RAB10: variants seen among roughly 807,000 people sequenced by gnomAD.
RAB10 encodes RAB10, member RAS oncogene family.
RAB10 carries 5 observed loss-of-function variants against 25.7 expected under a neutral mutation model. The observed-to-expected ratio is 0.19, with a 90% confidence interval of 0.10 to 0.41. The LOEUF is 0.41. RAB10 is among the 10% of genes least tolerant of loss of function. RAB10 has a pLI of 1.00. For synonymous variants in RAB10, 89 were observed against 86.4 expected, an observed-to-expected ratio of 1.03 and a Z score of -0.16; for missense variants, 103 against 245.8, an observed-to-expected ratio of 0.42 and a Z score of 3.89.
intron 1 of RAB10, among the ~76,000 whole-genome samples, chr2:26,037,057 T>A (rs1182245903): frequency 6.6e-6 from 1 of 152,042 alleles, no homozygotes; most frequent in African/African-American, 2.4e-5. Flanking sequence ...ATTACAGGCG[T>A]GAGCCACCAC....
At chr2:26,045,799 C>T (rs185831085) in intron 1 of RAB10, among the ~76,000 whole-genome samples, 165 of 152,226 alleles carry the variant, frequency 1.1e-3, no homozygotes, top group African/African-American at 3.5e-3. Context: ...GATCAAATTC[C>T]TGGGCTCAAG....
At chr2:26,065,239 AC>A (rs1016839775) in intron 1 of RAB10, among the ~76,000 whole-genome samples, 1 of 152,118 alleles carries the variant, frequency 6.6e-6, no homozygotes, top group Non-Finnish European at 1.5e-5. Flanking sequence ...GAAAAAAAAA[AC>A]ATGACCCAGG....
At chr2:26,099,705 T>C (rs1401788861) in intron 2 of RAB10, among the ~76,000 whole-genome samples, 2 of 151,962 alleles carry the variant, frequency 1.3e-5, no homozygotes, top group Non-Finnish European at 2.9e-5. Context: ...CACACCTGGC[T>C]AATTTCTTTT....
chr2:26,041,917 A>C (rs1337926851), intron 1 of RAB10, among the ~76,000 whole-genome samples: 4 of 152,220 alleles, frequency 2.6e-5, no homozygotes, highest in African/African-American at 9.6e-5. Context: ...AAAAAAAGAA[A>C]AGAAAAAGAG....
chr2:26,048,059 ATTG>A (rs1167961389), intron 1 of RAB10, among the ~76,000 whole-genome samples: 1 of 148,138 alleles, frequency 6.8e-6, no homozygotes, highest in African/African-American at 2.5e-5. Context: ...TTTTTTTTAA[ATTG>A]TTGAGTAGTA....
chr2:26,117,476 A>G (rs1425773757), intron 3 of RAB10, among the ~76,000 whole-genome samples: 1 of 152,006 alleles, frequency 6.6e-6, no homozygotes. Context: ...TTAGCCGGGC[A>G]TGGTGGCGGG....
At chr2:26,094,033 C>G (rs1176803926) in intron 1 of RAB10, among the ~76,000 whole-genome samples, 1 of 150,022 alleles carries the variant, frequency 6.7e-6, no homozygotes, top group Non-Finnish European at 1.5e-5. Context: ...GTAGCTGGGA[C>G]TACAGGTGTG....
intron 1 of RAB10, among the ~76,000 whole-genome samples, chr2:26,061,425 C>G: frequency 6.6e-6 from 1 of 152,056 alleles, no homozygotes; most frequent in East Asian, 1.9e-4. Flanking sequence ...CCCTGTTTTC[C>G]TTTGAGAGAC....
chr2:26,116,526 C>A (rs969824090), intron 3 of RAB10, among the ~76,000 whole-genome samples: 1 of 114,828 alleles, frequency 8.7e-6, no homozygotes, highest in Non-Finnish European at 1.9e-5. Flanking sequence ...GACTGTATTT[C>A]TTTTCTTTCT....
At chr2:26,043,519 A>G (rs1406591931) in intron 1 of RAB10, among the ~76,000 whole-genome samples, 2 of 152,244 alleles carry the variant, frequency 1.3e-5, no homozygotes, top group Non-Finnish European at 2.9e-5. Flanking sequence ...AACAACTCAC[A>G]TGTTCATCAG....
intron 2 of RAB10, among the ~76,000 whole-genome samples, chr2:26,109,205 C>T (rs1184322814): frequency 2.0e-5 from 3 of 151,966 alleles, no homozygotes; most frequent in Admixed American, 6.6e-5. Context: ...CCACTGCGCC[C>T]GACCTTATTT....
chr2:26,088,702 C>G (rs1248250281), intron 1 of RAB10, among the ~76,000 whole-genome samples: 2 of 152,264 alleles, frequency 1.3e-5, no homozygotes, highest in African/African-American at 4.8e-5. Context: ...CAACCTCCCC[C>G]TCCCCGGTTC....
chr2:26,077,390 A>G (rs1467793724), intron 1 of RAB10, among the ~76,000 whole-genome samples: 2 of 152,176 alleles, frequency 1.3e-5, no homozygotes, highest in Non-Finnish European at 2.9e-5. Flanking sequence ...CTTTTGTATT[A>G]TTGTCCATTA....
intron 1 of RAB10, among the ~76,000 whole-genome samples, chr2:26,086,562 T>C (rs544784081): frequency 6.6e-6 from 1 of 152,260 alleles, no homozygotes; most frequent in East Asian, 1.9e-4. Context: ...TAAACTAAGG[T>C]TTCCCATGTG....
In RAB10 at chr2:26,070,977, A is replaced by G. The variant is rs533491359; in HGVS notation, c.128-27685A>G. On this transcript the variant is annotated intron_variant, in intron 1 of 5. Coordinates refer to ENST00000264710, the MANE Select transcript of RAB10 (RefSeq NM_016131.5). ...TGATGGTACAGAAGCAATGGTATGT[A>G]AAATTGCTGACCTTAGCATGAATCA... Among the ~76,000 whole-genome samples the G allele has an allele frequency of 5.3e-5, 8 of 152,318 alleles. No individual in the cohort carries two copies. The South Asian group carries it at 1.7e-3, about 32-fold the overall frequency.
intron 5 of RAB10, among the ~76,000 whole-genome samples, chr2:26,131,095 A>G (rs561809344): frequency 6.8e-6 from 1 of 148,002 alleles, no homozygotes; most frequent in South Asian, 2.1e-4. Flanking sequence ...CCCCAGTGAG[A>G]TAGAGCTTTC....
At chr2:26,035,211 G>A (rs1004212274) in intron 1 of RAB10, among the ~76,000 whole-genome samples, 5 of 152,132 alleles carry the variant, frequency 3.3e-5, no homozygotes, top group Non-Finnish European at 5.9e-5. Flanking sequence ...AATAATTAAG[G>A]TAAATTAGAA....
chr2:26,127,303 A>G (rs531180085), intron 4 of RAB10, 70 bp downstream of exon 4: 1 of 1,131,028 alleles, frequency 8.8e-7, no homozygotes, highest in African/African-American at 1.6e-5. Flanking sequence ...GATTATTTTT[A>G]TAGTAATAGT....
At chr2:26,044,837 C>T (rs749289167) in intron 1 of RAB10, among the ~76,000 whole-genome samples, 23 of 151,870 alleles carry the variant, frequency 1.5e-4, no homozygotes, top group African/African-American at 2.9e-4. Flanking sequence ...TAAGCCATTG[C>T]GCCCCGCCAG....
Sources: gnomAD v4.1 joint callset for allele counts (sites outside exome capture counted in the v4.1 genomes callset) on GRCh38, gnomAD v4.1.1 for gene constraint, MANE v1.5 for transcripts, NCBI Gene and HGNC (gene_info 2026-07-23, HGNC 2026-07-21) for gene names.